ACOT7: variants seen among roughly 807,000 people sequenced by gnomAD.
The protein encoded by ACOT7 is acyl-CoA thioesterase 7.
Under a neutral mutation model 40.2 loss-of-function variants are expected in ACOT7, and 12 were observed. That is an observed-to-expected ratio of 0.30 (90% CI 0.19 to 0.48). The LOEUF is 0.48. ACOT7 is among the 20% of genes least tolerant of loss of function. The probability of loss-of-function intolerance (pLI) is 0.99; values close to 1 mark genes in which losing one functional copy is unlikely to be tolerated. For missense variants in ACOT7, 395 were observed against 530.8 expected (o/e 0.74, Z 2.51); for synonymous variants, 228 against 219.5 (o/e 1.04, Z -0.34).
chr1:6,312,971 C>T (rs1449739717), intron 6 of ACOT7, among the ~76,000 whole-genome samples: 2 of 152,320 alleles, frequency 1.3e-5, no homozygotes, highest in South Asian at 2.1e-4. Context: ...AGACATGACA[C>T]GGCCCAGTGG....
At chr1:6,339,650 CAGGA>C in intron 2 of ACOT7, 61 bp from the exon 3 acceptor site, 2 of 1,579,180 alleles carry the variant, frequency 1.3e-6, no homozygotes, top group Non-Finnish European at 1.7e-6. Context: ...GAGCCCCACC[CAGGA>C]CATGCCCCCT....
chr1:6,377,657 C>T (rs1326011412), intron 1 of ACOT7, among the ~76,000 whole-genome samples: 1 of 152,160 alleles, frequency 6.6e-6, no homozygotes, highest in East Asian at 1.9e-4. Context: ...TCCTGAGACA[C>T]CAAAGTGTAG....
chr1:6,333,585 C>T lies in ACOT7; in HGVS notation c.419-17G>A, dbSNP rs41278930. The T allele has an allele frequency of 1.2e-6, 2 of 1,613,460 alleles. No homozygotes were observed. Among genetic ancestry groups the T allele is most frequent in the Admixed American group, 3.3e-5 (2 of 60,010 alleles). On this transcript the variant is annotated splice_polypyrimidine_tract_variant and intron_variant, in intron 3 of 8. Transcript: ENST00000361521. ...TTTTGGCACCTTAAGAGAAGAAAAT[C>T]ACATTAAGTGACGCCCGGGAGACGG...
In ACOT7 at chr1:6,336,333, C is replaced by CAAAAAAAAA. The variant is rs3029068; in HGVS notation, c.419-2774_419-2766dup. Among the ~76,000 whole-genome samples, 339 of 52,742 alleles carry CAAAAAAAAA rather than the reference C, an allele frequency of 6.4e-3. 16 individuals are homozygous for CAAAAAAAAA. Among genetic ancestry groups the CAAAAAAAAA allele is most frequent in the African/African-American group, 0.011 (135 of 12,782 alleles). 34.6% of individuals were successfully genotyped at this position (52,742 alleles called of 152,430 possible). A position where few individuals can be genotyped will look rare whatever the true frequency, so the allele number is the denominator to read the frequency against. ...TGCACGACAGAGCAAGACTCGGTCT[C>CAAAAAAAAA]AAAAAAAAAAAAAAAAAAAAAAAAA... On this transcript the variant is annotated intron_variant, in intron 3 of 8. Coordinates refer to ENST00000361521, the MANE Select transcript of ACOT7 (RefSeq NM_007274.4).
At chr1:6,308,491 A>T (rs1640233599) in intron 6 of ACOT7, among the ~76,000 whole-genome samples, 1 of 145,420 alleles carries the variant, frequency 6.9e-6, no homozygotes, top group Non-Finnish European at 1.5e-5. Flanking sequence ...AGGGAACCAC[A>T]ACCAGGCAGA....
chr1:6,346,548 C>T lies in ACOT7; in HGVS notation c.261+3201G>A, dbSNP rs117519536. On this transcript the variant is annotated intron_variant, in intron 2 of 8. Transcript: ENST00000361521. ...AAAGAGATGTAGGAGGTGAGGTCCC[C>T]GAGCCGCGCTAGGCAGAGACAGGGA... Among the ~76,000 whole-genome samples the T allele has an allele frequency of 5.4e-4, 82 of 152,326 alleles. No individual in the cohort carries two copies. In the East Asian group the frequency reaches 0.015, roughly 27 times the overall value.
intron 1 of ACOT7, among the ~76,000 whole-genome samples, chr1:6,379,250 T>C (rs994693124): frequency 6.6e-6 from 1 of 151,774 alleles, no homozygotes; most frequent in South Asian, 2.1e-4. Flanking sequence ...CCCTCAGGTA[T>C]AAGAGTTCAA....
At chr1:6,295,134 T>A (rs1201689358) in intron 6 of ACOT7, 154 bp from the exon 7 acceptor site, 3 of 551,862 alleles carry the variant, frequency 5.4e-6, no homozygotes, top group Non-Finnish European at 9.7e-6. Flanking sequence ...CCGCACGTGC[T>A]GTGGCTCACG....
rs748816167 is a variant in ACOT7 at position 6,385,745 on chromosome 1, G to A, written c.143+7512C>T. ...AGCCCAAGCCTGTGTCTGCCTGGCC[G>A]GCTCAGCAGTGAGCCGGTGTGATCC... On this transcript the variant is annotated intron_variant, in intron 1 of 8. Transcript: ENST00000361521. 1.5e-4 allele frequency: 231 copies of A among 1,516,922 alleles called. 5 individuals carry two copies. In the Middle Eastern group the frequency reaches 4.2e-3, roughly 28 times the overall value. 94.0% of individuals were successfully genotyped at this position (1,516,922 alleles called of 1,614,324 possible).
In ACOT7 at chr1:6,352,813, G is replaced by A. The variant is rs1052183313; in HGVS notation, c.144-2947C>T. Among the ~76,000 whole-genome samples the A allele has an allele frequency of 2.0e-5, 3 of 152,084 alleles. No individual in the cohort carries two copies. The highest frequency in any genetic ancestry group is 4.2e-4 in the South Asian group (2 of 4,798). ...TTAGCCAGGATGGTCTTGATCTCCT[G>A]ACCTCGTTCGTGATCCCATTTCTAA... On this transcript the variant is annotated intron_variant, in intron 1 of 8. Transcript: ENST00000361521. This position sits in a 1 kb window ranked among gnomAD's most constrained non-coding sequence, Gnocchi z 4.5.
intron 8 of ACOT7, among the ~76,000 whole-genome samples, chr1:6,268,412 A>G (rs1424737717): frequency 6.6e-6 from 1 of 152,232 alleles, no homozygotes; most frequent in Non-Finnish European, 1.5e-5. Flanking sequence ...AAAAAGCTAG[A>G]AAAGCAAAAA....
At chr1:6,326,030 C>T (rs1246802215) in intron 5 of ACOT7, among the ~76,000 whole-genome samples, 3 of 152,168 alleles carry the variant, frequency 2.0e-5, no homozygotes, top group African/African-American at 7.2e-5. Context: ...ACTCAAACAC[C>T]CACCATGACC....
At chr1:6,265,506 C>A (rs998297017) in intron 8 of ACOT7, among the ~76,000 whole-genome samples, 5 of 152,230 alleles carry the variant, frequency 3.3e-5, no homozygotes, top group African/African-American at 1.2e-4. Flanking sequence ...GGTCTGGGGG[C>A]AGAGCCAACT....
chr1:6,313,824 G>A (rs926880275), intron 6 of ACOT7, among the ~76,000 whole-genome samples: 5 of 149,894 alleles, frequency 3.3e-5, no homozygotes, highest in African/African-American at 7.5e-5. Context: ...AAAAAAAAAA[G>A]AAAAAGTCCT....
chr1:6,344,907 G>C, intron 2 of ACOT7, among the ~76,000 whole-genome samples: 1 of 152,172 alleles, frequency 6.6e-6, no homozygotes. Flanking sequence ...GGCAGCCTGG[G>C]AGGCTGCAGA....
intron 6 of ACOT7, 116 bp downstream of exon 6, chr1:6,318,376 G>T: frequency 8.5e-7 from 1 of 1,174,200 alleles, no homozygotes; most frequent in Non-Finnish European, 1.2e-6. Context: ...CTTCTTGGAA[G>T]TTTGTACTTC....
intron 7 of ACOT7, 56 bp from the exon 8 acceptor site, chr1:6,281,342 G>A (rs1639355156): frequency 2.2e-5 from 33 of 1,528,712 alleles, no homozygotes; most frequent in Non-Finnish European, 3.0e-5. Flanking sequence ...GCTGGGCGGG[G>A]GACACTGGCG....
chr1:6,349,909 C>T (rs1164617839), intron 1 of ACOT7, 43 bp from the exon 2 acceptor site: 3 of 1,583,406 alleles, frequency 1.9e-6, no homozygotes, highest in Non-Finnish European at 1.7e-6. Flanking sequence ...GGAGAGGATG[C>T]CATTTGTGCA....
intron 1 of ACOT7, chr1:6,385,793 C>T (rs1239623300): frequency 2.8e-6 from 4 of 1,433,022 alleles, no homozygotes; most frequent in Admixed American, 2.8e-5. Context: ...AAGCACCAGG[C>T]TCCTGCTCCT....
Sources: allele counts gnomAD v4.1 joint callset (sites outside exome capture counted in the v4.1 genomes callset), GRCh38; gene constraint gnomAD v4.1.1; non-coding constraint Gnocchi (gnomAD v3.1); transcripts MANE v1.5; gene names NCBI Gene and HGNC (gene_info 2026-07-23, HGNC 2026-07-21).